OR56A3: variants seen among roughly 807,000 people sequenced by gnomAD.
OR56A3 encodes olfactory receptor family 56 subfamily A member 3, also known as olfactory receptor 56A3.
A neutral mutation model predicts 17.5 loss-of-function variants in OR56A3; 23 were observed. The observed-to-expected ratio is 1.32, with a 90% confidence interval of 0.95 to 1.87. OR56A3 has a LOEUF of 1.87. OR56A3 is among the 40% of genes most tolerant of loss of function. The pLI is 0.00. For synonymous variants in OR56A3, 175 were observed against 150.6 expected (o/e 1.16, Z -1.19); for missense variants, 366 against 380.1 (o/e 0.96, Z 0.31).
the OR56A3 span, among the ~76,000 whole-genome samples, chr11:6,005,352 T>C: frequency 6.6e-6 from 1 of 152,156 alleles, no homozygotes; most frequent in African/African-American, 2.4e-5. Flanking sequence ...TCATGGATGT[T>C]AAGTAATGAC....
At chr11:5,951,479 CAT>C (rs1847907736), downstream of OR56A3, 2 of 151,942 alleles carry the variant, frequency 1.3e-5, no homozygotes, top group South Asian at 4.1e-4. Flanking sequence ...ATAAATAAAA[CAT>C]GAGTGAGAAA....
the OR56A3 span, among the ~76,000 whole-genome samples, chr11:5,956,957 A>C: frequency 3.3e-5 from 5 of 152,142 alleles, no homozygotes; most frequent in South Asian, 2.1e-4. Flanking sequence ...GGAGTTCGAG[A>C]CCAGCCTGAC....
the OR56A3 span, chr11:6,000,608 C>T: frequency 6.6e-6 from 1 of 151,690 alleles, no homozygotes; most frequent in African/African-American, 2.4e-5. Flanking sequence ...AAACTTAAAA[C>T]ATAATAAAAA....
chr11:5,975,999 T>A, the OR56A3 span, among the ~76,000 whole-genome samples: 1 of 151,878 alleles, frequency 6.6e-6, no homozygotes, highest in East Asian at 1.9e-4. Context: ...AGTAAAATAC[T>A]AGGAAACCAA....
chr11:5,989,799 T>G, the OR56A3 span, among the ~76,000 whole-genome samples: 1 of 152,234 alleles, frequency 6.6e-6, no homozygotes, highest in Non-Finnish European at 1.5e-5. Context: ...AAATTGCAAT[T>G]AATTGTTATT....
At chr11:5,943,128 T>C in intron 1 of OR56A3, among the ~76,000 whole-genome samples, 1 of 152,226 alleles carries the variant, frequency 6.6e-6, no homozygotes, top group East Asian at 1.9e-4. Context: ...GCTTTACTTC[T>C]AGGGATGAGT....
chr11:5,951,792 T>C (rs1470902447), downstream of OR56A3, among the ~76,000 whole-genome samples: 3 of 152,122 alleles, frequency 2.0e-5, no homozygotes, highest in Non-Finnish European at 4.4e-5. Flanking sequence ...GGTGCTGGGG[T>C]TGTAGTAAAT....
the OR56A3 span, among the ~76,000 whole-genome samples, chr11:6,010,907 C>T: frequency 4.0e-5 from 6 of 151,264 alleles, no homozygotes; most frequent in African/African-American, 1.5e-4. Context: ...AGTACTGATC[C>T]CTGGTACTGT....
At chr11:5,980,348 CTT>C in the OR56A3 span, among the ~76,000 whole-genome samples, 99 of 152,050 alleles carry the variant, frequency 6.5e-4, 1 homozygote, top group Admixed American at 3.9e-3. Context: ...CTAAGAACTT[CTT>C]TTATGAATGC....
At chr11:5,993,401 G>A in the OR56A3 span, among the ~76,000 whole-genome samples, 2 of 152,162 alleles carry the variant, frequency 1.3e-5, no homozygotes, top group African/African-American at 4.8e-5. Flanking sequence ...CTAGAAAGAT[G>A]ATACTCTTTC....
the OR56A3 span, chr11:6,002,534 G>A: frequency 6.2e-7 from 1 of 1,614,166 alleles, no homozygotes; most frequent in Non-Finnish European, 8.5e-7. Context: ...AGGCATTCCG[G>A]GCTATAACAA....
At chr11:5,954,832 G>A (rs924033480), downstream of OR56A3, among the ~76,000 whole-genome samples, 5 of 152,098 alleles carry the variant, frequency 3.3e-5, no homozygotes, top group South Asian at 1.0e-3. Flanking sequence ...AAAGCAGAAG[G>A]TAGAAGAGAG....
At chr11:5,958,946 G>A in the OR56A3 span, among the ~76,000 whole-genome samples, 1 of 152,110 alleles carries the variant, frequency 6.6e-6, no homozygotes, top group Non-Finnish European at 1.5e-5. Context: ...ACATGTTGTC[G>A]CAAGTGAGAA....
the OR56A3 span, among the ~76,000 whole-genome samples, chr11:5,997,092 A>G: frequency 6.6e-6 from 1 of 152,218 alleles, no homozygotes; most frequent in African/African-American, 2.4e-5. Context: ...TACAGCTGTC[A>G]TAGACAAGAA....
the OR56A3 span, among the ~76,000 whole-genome samples, chr11:5,982,027 T>C: frequency 6.6e-6 from 1 of 152,218 alleles, no homozygotes; most frequent in Admixed American, 6.5e-5. Context: ...AAGCACCTAC[T>C]GCACTGGAGG....
chr11:6,013,504 T>C, the OR56A3 span, among the ~76,000 whole-genome samples: 2 of 152,146 alleles, frequency 1.3e-5, no homozygotes, highest in Non-Finnish European at 2.9e-5. Flanking sequence ...CAGGTAGCCC[T>C]GCACAGAGCA....
the OR56A3 span, among the ~76,000 whole-genome samples, chr11:5,971,656 T>C: frequency 1.3e-5 from 2 of 152,182 alleles, no homozygotes; most frequent in Non-Finnish European, 2.9e-5. Context: ...TAGACATAAA[T>C]ATGAATCAAA....
chr11:5,983,438 G>A, the OR56A3 span, among the ~76,000 whole-genome samples: 2,835 of 150,576 alleles, frequency 0.019, 77 homozygotes, highest in African/African-American at 0.064. Context: ...TTCTGTATTG[G>A]TAAGAGACTA....
chr11:5,973,662 T>A, the OR56A3 span, among the ~76,000 whole-genome samples: 1 of 152,086 alleles, frequency 6.6e-6, no homozygotes, highest in African/African-American at 2.4e-5. Flanking sequence ...AGACGAACAG[T>A]TGGGTTTAAT....
Sources: gnomAD v4.1 joint callset for allele counts (sites outside exome capture counted in the v4.1 genomes callset) on GRCh38, gnomAD v4.1.1 for gene constraint, MANE v1.5 for transcripts, NCBI Gene and HGNC (gene_info 2026-07-23, HGNC 2026-07-21) for gene names.